Variants in GAS7 observed in about 807,000 individuals in gnomAD.
GAS7 encodes growth arrest specific 7, also known as growth arrest-specific protein 7.
A neutral mutation model predicts 71.1 loss-of-function variants in GAS7; 28 were observed. That is an observed-to-expected ratio of 0.39 (90% CI 0.29 to 0.54). GAS7 has a LOEUF of 0.54. Among genes scored for constraint, GAS7 ranks in the 20% least tolerant of loss-of-function variants. GAS7 has a pLI of 0.62. For synonymous variants in GAS7, 258 were observed against 245.8 expected (o/e 1.05, Z -0.46); for missense variants, 436 against 627.8 (o/e 0.69, Z 3.27).
intron 1 of GAS7, among the ~76,000 whole-genome samples, chr17:10,037,688 A>G (rs1342555221): frequency 7.0e-6 from 1 of 143,798 alleles, no homozygotes. Context: ...TGTAAAATGC[A>G]GATGATCACA....
chr17:9,985,691 C>T lies in GAS7; in HGVS notation c.305-3807G>A, dbSNP rs78274136. 3.8e-3 allele frequency among the ~76,000 whole-genome samples: 582 copies of T among 152,316 alleles called. 4 individuals are homozygous for T. Among genetic ancestry groups the T allele is most frequent in the African/African-American group, 0.013 (556 of 41,574 alleles). On this transcript the variant is annotated intron_variant, in intron 2 of 13. Coordinates refer to ENST00000432992, the MANE Select transcript of GAS7 (RefSeq NM_201433.2). ...ACCGCCCTTAGCCAAAGAGAGCTGC[C>T]GTGCCCAAGGCTATGCCTAGAGTAG... is the stretch of plus-strand genomic sequence containing the variant.
intron 5 of GAS7, among the ~76,000 whole-genome samples, chr17:9,953,042 C>T (rs537939576): frequency 1.1e-3 from 174 of 151,976 alleles, no homozygotes; most frequent in Admixed American, 1.6e-3. Flanking sequence ...GACACATGGA[C>T]GCATATGTTC....
intron 1 of GAS7, among the ~76,000 whole-genome samples, chr17:10,110,396 T>C (rs567475303): frequency 1.1e-4 from 16 of 152,138 alleles, no homozygotes; most frequent in Non-Finnish European, 2.4e-4. Context: ...AGGAAGGGTG[T>C]GTGGGAAAGA....
At chr17:9,963,053 A>AG (rs1555605777) in intron 4 of GAS7, among the ~76,000 whole-genome samples, 5,137 of 150,912 alleles carry the variant, frequency 0.034, 305 homozygotes, top group African/African-American at 0.12. Flanking sequence ...AAAAAAAAAA[A>AG]GAAAAAAAGG....
At chr17:10,148,909 C>CTAAAA (rs2074142752) in intron 1 of GAS7, among the ~76,000 whole-genome samples, 10 of 117,256 alleles carry the variant, frequency 8.5e-5, no homozygotes, top group African/African-American at 1.6e-4. Flanking sequence ...GACTCCGCCT[C>CTAAAA]AAAAAAAAAA....
At chr17:10,105,803 C>T (rs1294947737) in intron 1 of GAS7, among the ~76,000 whole-genome samples, 1 of 152,186 alleles carries the variant, frequency 6.6e-6, no homozygotes, top group Non-Finnish European at 1.5e-5. Flanking sequence ...TACCCCACCT[C>T]TCCACCCCAA....
In GAS7 at chr17:10,172,524, A is replaced by G. The variant is rs149604728; in HGVS notation, c.183+25684T>C. Reference sequence around the variant, plus strand: ...AGAAATGAGGAAGCAGATTAAAAAAAAAGAAGAAGAAAAAAAAAGAAACAG... The same window carrying G: ...AGAAATGAGGAAGCAGATTAAAAAAGAAGAAGAAGAAAAAAAAAGAAACAG... On this transcript the variant is annotated intron_variant, in intron 1 of 13. Coordinates refer to ENST00000432992, the MANE Select transcript of GAS7 (RefSeq NM_201433.2). 3.0e-3 allele frequency among the ~76,000 whole-genome samples: 462 copies of G among 152,354 alleles called. 3 individuals are homozygous for G. Among genetic ancestry groups the G allele is most frequent in the African/African-American group, 0.01 (433 of 41,576 alleles).
At position 10,036,729 on chromosome 17, in the gene GAS7, T is replaced by C. The variant is rs1597734352; in HGVS notation, c.184-16832A>G. On this transcript the variant is annotated intron_variant, in intron 1 of 13. Transcript: ENST00000432992. Reference sequence around the variant, plus strand: ...GGAAATTAACAACTTGTTCTGGACTTTCCAGATGCAATGTTTCTGGAGGCC... The same window carrying C: ...GGAAATTAACAACTTGTTCTGGACTCTCCAGATGCAATGTTTCTGGAGGCC... The C allele has an allele frequency of 4.0e-6, 5 of 1,253,816 alleles. No individual in the cohort carries two copies. In the East Asian group the frequency reaches 1.6e-4, roughly 40 times the overall value. The allele number at this position is 1,253,816 out of a possible 1,614,324, so 77.7% of individuals were successfully genotyped here. A position where few individuals can be genotyped will look rare whatever the true frequency, so the allele number is the denominator to read the frequency against.
chr17:10,087,918 C>T (rs1018314972), intron 1 of GAS7, among the ~76,000 whole-genome samples: 4 of 152,124 alleles, frequency 2.6e-5, no homozygotes, highest in African/African-American at 9.7e-5. Context: ...ATCCTCGCTC[C>T]AGCCAGGGAA....
At chr17:10,050,951 G>T (rs763292660) in intron 1 of GAS7, among the ~76,000 whole-genome samples, 1 of 152,144 alleles carries the variant, frequency 6.6e-6, no homozygotes, top group Non-Finnish European at 1.5e-5. Flanking sequence ...GTGGGGCTAA[G>T]AACAGAAGAT....
rs3051271 is a variant in GAS7 at position 10,150,591 on chromosome 17, C to CT, written c.183+47616dup. 4.2e-3 allele frequency among the ~76,000 whole-genome samples: 501 copies of CT among 118,942 alleles called. 4 individuals are homozygous for CT. The highest frequency in any genetic ancestry group is 9.2e-3 in the Middle Eastern group (2 of 218). 78.0% of individuals were successfully genotyped at this position (118,942 alleles called of 152,430 possible). On this transcript the variant is annotated intron_variant, in intron 1 of 13. Coordinates refer to ENST00000432992, the MANE Select transcript of GAS7 (RefSeq NM_201433.2). ...ACTCAGTAATGAGGCTGTTACATTTCTTTTTTTTTTTTTTTTAGACAGGGT... is the reference window on the plus strand; with the variant it reads ...ACTCAGTAATGAGGCTGTTACATTTCTTTTTTTTTTTTTTTTTAGACAGGGT...
At chr17:10,100,690 T>C (rs1283646728) in intron 1 of GAS7, among the ~76,000 whole-genome samples, 4 of 152,172 alleles carry the variant, frequency 2.6e-5, no homozygotes, top group African/African-American at 9.7e-5. Flanking sequence ...CTAGGTGACT[T>C]TCCTGGTTTT....
rs77898187 is a variant in GAS7 at position 10,040,596 on chromosome 17, C to G, written c.184-20699G>C. The stretch of plus-strand genomic sequence containing the variant: ...CCCCCACCTTCTTTCTCTCTCCCCC[C>G]TCTCACCCATCATAAAAACAAGAGA... On this transcript the variant is annotated intron_variant, in intron 1 of 13. Transcript: ENST00000432992. 5.3e-3 allele frequency among the ~76,000 whole-genome samples: 800 copies of G among 149,602 alleles called. 24 individuals carry two copies. The East Asian group carries it at 0.1, about 19-fold the overall frequency.
chr17:9,995,981 G>T (rs2071025303), intron 2 of GAS7, among the ~76,000 whole-genome samples: 1 of 152,126 alleles, frequency 6.6e-6, no homozygotes, highest in Non-Finnish European at 1.5e-5. Context: ...TTAACAAAAG[G>T]GCATAAATAA....
intron 1 of GAS7, among the ~76,000 whole-genome samples, chr17:10,152,190 T>C (rs1032540501): frequency 6.6e-6 from 1 of 152,112 alleles, no homozygotes; most frequent in Non-Finnish European, 1.5e-5. Flanking sequence ...CGTATCTTGG[T>C]TGACAAGCCC....
rs547638996 is a variant in GAS7, at chr17:10,025,050, G to A, written c.184-5153C>T. ...CGCTTTAAAACAAGGCATCTGAGACGCAGAGAGTTTAATAACTTGCCCAGT... is the reference window on the plus strand; with the variant it reads ...CGCTTTAAAACAAGGCATCTGAGACACAGAGAGTTTAATAACTTGCCCAGT... On this transcript the variant is annotated intron_variant, in intron 1 of 13. Transcript: ENST00000432992. 6.4e-4 allele frequency among the ~76,000 whole-genome samples: 97 copies of A among 152,276 alleles called. 2 individuals carry two copies. Among genetic ancestry groups the A allele is most frequent in the Admixed American group, 5.3e-3 (81 of 15,290 alleles).
intron 1 of GAS7, among the ~76,000 whole-genome samples, chr17:10,078,266 A>T (rs1015053974): frequency 6.6e-6 from 1 of 151,820 alleles, no homozygotes; most frequent in African/African-American, 2.4e-5. Context: ...TAATTTTTGT[A>T]TTTTTAGTAC....
intron 4 of GAS7, among the ~76,000 whole-genome samples, chr17:9,960,894 AGAATC>A: frequency 6.6e-6 from 1 of 152,246 alleles, no homozygotes; most frequent in African/African-American, 2.4e-5. Context: ...CCCTGGCCAG[AGAATC>A]TGACTTCTTT....
chr17:10,045,040 C>CA (rs5819261), intron 1 of GAS7, among the ~76,000 whole-genome samples: 8,462 of 81,888 alleles, frequency 0.1, 1,184 homozygotes, highest in African/African-American at 0.32. Context: ...GACTCCATCT[C>CA]AAAAAAAAAA....
Sources: gnomAD v4.1 joint callset for allele counts (sites outside exome capture counted in the v4.1 genomes callset) on GRCh38, gnomAD v4.1.1 for gene constraint, MANE v1.5 for transcripts, NCBI Gene and HGNC (gene_info 2026-07-23, HGNC 2026-07-21) for gene names.